TNN: variants seen among roughly 807,000 people sequenced by gnomAD.
TNN encodes tenascin-N.
In TNN, 122 loss-of-function variants were observed where a neutral mutation model predicts 134.4. The observed-to-expected ratio is 0.91, with a 90% CI of 0.78 to 1.06. The LOEUF is 1.06. Among genes scored for constraint, TNN ranks in the 50% least tolerant of loss-of-function variants. The pLI is 0.00. For missense variants in TNN, 1,739 were observed against 1,699.4 expected (o/e 1.02, Z -0.41); for synonymous variants, 710 against 670.3 (o/e 1.06, Z -0.91).
In TNN at chr1:175,077,374, C is replaced by T; in HGVS notation, c.-35-10C>T. On this transcript the variant is annotated splice_polypyrimidine_tract_variant and intron_variant, in intron 1 of 18. Coordinates refer to ENST00000239462, the MANE Select transcript of TNN (RefSeq NM_022093.2). ...TCCGTGGCTTTCTTTTGCAATGTTT[C>T]TGAATACAGGCATCCTGGAGGGTCT... 1 of 1,552,910 alleles carries T rather than the reference C, an allele frequency of 6.4e-7. No homozygotes were observed. The highest frequency in any genetic ancestry group is 8.7e-7 in the Non-Finnish European group (1 of 1,149,470).
chr1:175,105,669 A>C lies in TNN; in HGVS notation c.2119+7074A>C, dbSNP rs79704694. 8.5e-3 allele frequency among the ~76,000 whole-genome samples: 1,241 copies of C among 145,676 alleles called. 96 individuals are homozygous for C. Among genetic ancestry groups the C allele is most frequent in the African/African-American group, 0.029 (1,174 of 40,474 alleles). On this transcript the variant is annotated intron_variant, in intron 9 of 18. Coordinates refer to ENST00000239462, the MANE Select transcript of TNN (RefSeq NM_022093.2). ...GGCCATTTTTCCCCATCAGAAAGAGAATATTGGGGCCAAGCCGTAGTGCAG... is the reference window on the plus strand; with the variant it reads ...GGCCATTTTTCCCCATCAGAAAGAGCATATTGGGGCCAAGCCGTAGTGCAG...
At position 175,098,345 on chromosome 1, in the gene TNN, CA is replaced by C. The variant is rs754063306; in HGVS notation, c.1874del (p.Asn625ThrfsTer3). 3.7e-5 allele frequency: 59 copies of C among 1,614,018 alleles called. No individual in the cohort carries two copies. Among genetic ancestry groups the C allele is most frequent in the Non-Finnish European group, 5.9e-6 (7 of 1,180,020 alleles). On this transcript the variant is annotated frameshift_variant, in exon 9 of 19. Coordinates refer to ENST00000239462, the MANE Select transcript of TNN (RefSeq NM_022093.2). LOFTEE classifies it high-confidence loss of function. The stretch of plus-strand genomic sequence containing the variant: ...TTTTCCTTCCAGATATTGACAGCCC[CA>C]AAAACCTGGTGACTGACCGGGTGAC... Reference protein sequence around the residue: ...TNAPTDIDSPKNLVTDRVTEN... With the variant: ...TNAPTDIDSPXNLVTDRVTEN...
chr1:175,145,960 C>T (rs1405396176), intron 18 of TNN, among the ~76,000 whole-genome samples: 8 of 152,308 alleles, frequency 5.3e-5, no homozygotes. Context: ...AGCCCTGATC[C>T]TAAGCCTCCA....
chr1:175,129,008 G>A (rs1675607592), intron 15 of TNN, among the ~76,000 whole-genome samples: 1 of 152,068 alleles, frequency 6.6e-6, no homozygotes, highest in Non-Finnish European at 1.5e-5. Context: ...GCAAAAGCAA[G>A]TTTATTAAGA....
intron 18 of TNN, among the ~76,000 whole-genome samples, chr1:175,145,583 C>G (rs943330968): frequency 1.4e-5 from 1 of 73,500 alleles, no homozygotes; most frequent in African/African-American, 5.1e-5. Flanking sequence ...AAAGCTGTCT[C>G]AAGTCCTTTG....
rs1245731355 is a variant in TNN, at chr1:175,144,556, T to C, written c.3759+6T>C. The C allele has an allele frequency of 3.7e-6, 6 of 1,613,606 alleles. No homozygotes were observed. Among genetic ancestry groups the C allele is most frequent in the Admixed American group, 1.7e-5 (1 of 59,962 alleles). On this transcript the variant is annotated splice_donor_region_variant and intron_variant, in intron 18 of 18. Transcript: ENST00000239462. ...GGGAGACCAAGCACAGTGAGGTAGG[T>C]GACAGGTGAATGTCTTTTCTGTCCC...
At chr1:175,146,212 G>A (rs1429217155) in intron 18 of TNN, among the ~76,000 whole-genome samples, 1 of 152,114 alleles carries the variant, frequency 6.6e-6, no homozygotes, top group African/African-American at 2.4e-5. Flanking sequence ...ATCAAATATT[G>A]GAAACGAGCA....
chr1:175,092,109 T>C (rs958772660), intron 6 of TNN, among the ~76,000 whole-genome samples: 2 of 152,230 alleles, frequency 1.3e-5, no homozygotes, highest in Non-Finnish European at 2.9e-5. Context: ...TGCTCGCTTC[T>C]TCCTGCCTCC....
At chr1:175,092,756 C>T (rs1574148273) in intron 6 of TNN, among the ~76,000 whole-genome samples, 1 of 152,176 alleles carries the variant, frequency 6.6e-6, no homozygotes, top group East Asian at 1.9e-4. Flanking sequence ...CCTCAGATAT[C>T]CCTGTCTCTA....
chr1:175,092,394 C>CAGACTATTGTG (rs11274715), intron 6 of TNN, among the ~76,000 whole-genome samples: 82,990 of 151,574 alleles, frequency 0.55, 23,309 homozygotes, highest in African/African-American at 0.69. Context: ...CCACAAGTGG[C>CAGACTATTGTG]AGACTATTGG....
Position 175,109,072 on chromosome 1 carries a change from A to ATTTTTTTTTTTTTTTTTTTTTTTTTTT in TNN, c.2120-7866_2120-7840dup, listed in dbSNP as rs1160268455. Among the ~76,000 whole-genome samples the ATTTTTTTTTTTTTTTTTTTTTTTTTTT allele has an allele frequency of 3.2e-5, 2 of 61,982 alleles. 1 individual carries two copies. The highest frequency in any genetic ancestry group is 6.3e-5 in the Non-Finnish European group (2 of 31,712). The allele number at this position is 61,982 out of a possible 152,430, so 40.7% of individuals were successfully genotyped here. A position where few individuals can be genotyped will look rare whatever the true frequency, so the allele number is the denominator to read the frequency against. ...GAATGTATTTCTTCTATCTAACTGT[A>ATTTTTTTTTTTTTTTTTTTTTTTTTTT]TTTTTTTTTTTTTTTTTTTTTTTTT... On this transcript the variant is annotated intron_variant, in intron 9 of 18. Transcript: ENST00000239462.
chr1:175,147,665 C>T lies in TNN; in HGVS notation c.*594C>T, dbSNP rs1676107932. On this transcript the variant is annotated 3_prime_UTR_variant, in exon 19 of 19. Coordinates refer to ENST00000239462, the MANE Select transcript of TNN (RefSeq NM_022093.2). ...TGACTTGTATCCAGCATGCTGGAGA[C>T]CAAAGCTGCCGCCTTACTGCTATTT... is the stretch of plus-strand genomic sequence containing the variant. 2.0e-5 allele frequency: 3 copies of T among 152,232 alleles called. No homozygotes were observed. The highest frequency in any genetic ancestry group is 7.2e-5 in the African/African-American group (3 of 41,454). The allele number at this position is 152,232 out of a possible 1,614,324, so 9.4% of individuals were successfully genotyped here.
chr1:175,108,798 C>G (rs551031244), intron 9 of TNN, among the ~76,000 whole-genome samples: 10 of 148,430 alleles, frequency 6.7e-5, no homozygotes, highest in African/African-American at 2.3e-4. Flanking sequence ...CCAGCTGGCC[C>G]GCAAGCACCA....
At position 175,077,722 on chromosome 1, in the gene TNN, G is replaced by A. The variant is rs369231123; in HGVS notation, c.304G>A (p.Ala102Thr). The A allele has an allele frequency of 1.2e-6, 2 of 1,614,104 alleles. No homozygotes were observed. Among genetic ancestry groups the A allele is most frequent in the African/African-American group, 2.7e-5 (2 of 74,944 alleles). The change falls in exon 2 of 19, where the codon GCA (alanine) becomes ACA (threonine). Residue 102 changes from alanine to threonine, a missense_variant. Physicochemically the swap from Ala to Thr is moderately conservative, Grantham distance 58. Transcript: ENST00000239462. Reference sequence around the variant, plus strand: ...GACGCCACAGAAGGACTGCGAGTTGGCAGGCAGTGTCCAGGACCTCCTGGC... The same window carrying A: ...GACGCCACAGAAGGACTGCGAGTTGACAGGCAGTGTCCAGGACCTCCTGGC... ...LQTPQKDCEL[A>T]GSVQDLLARV...
chr1:175,090,713 A>G (rs1416882657), intron 6 of TNN, among the ~76,000 whole-genome samples: 2 of 152,240 alleles, frequency 1.3e-5, no homozygotes, highest in Non-Finnish European at 2.9e-5. Context: ...AGAGCTTCTA[A>G]TTAACCTCCT....
At position 175,147,387 on chromosome 1, in the gene TNN, G is replaced by A. The variant is rs1190570666; in HGVS notation, c.*316G>A. On this transcript the variant is annotated 3_prime_UTR_variant, in exon 19 of 19. Transcript: ENST00000239462. Reference sequence around the variant, plus strand: ...GAAGGAATCACCCAGCACTTCACCAGTTGGAAATCTCTGGAAATTTACATC... The same window carrying A: ...GAAGGAATCACCCAGCACTTCACCAATTGGAAATCTCTGGAAATTTACATC... 4.0e-6 allele frequency: 1 copy of A among 248,356 alleles called. No homozygotes were observed. The highest frequency in any genetic ancestry group is 2.2e-5 in the African/African-American group (1 of 45,002). The allele number at this position is 248,356 out of a possible 1,614,324, so 15.4% of individuals were successfully genotyped here. A position where few individuals can be genotyped will look rare whatever the true frequency, so the allele number is the denominator to read the frequency against.
intron 9 of TNN, among the ~76,000 whole-genome samples, chr1:175,103,113 A>T (rs1184656331): frequency 1.4e-5 from 2 of 146,110 alleles, no homozygotes; most frequent in African/African-American, 4.9e-5. Context: ...ATTCTAGAGG[A>T]AACAAATTTG....
chr1:175,083,351 C>T lies in TNN; in HGVS notation c.1049-399C>T, dbSNP rs1487033727. On this transcript the variant is annotated intron_variant, in intron 4 of 18. Transcript: ENST00000239462. ...GTGCCTGAGCTGCTTATCCTGAGGT[C>T]GTCTTAGAGGGCAGGGGCTCTGCAG... 5.3e-5 allele frequency among the ~76,000 whole-genome samples: 8 copies of T among 152,314 alleles called. No individual in the cohort carries two copies. The South Asian group carries it at 6.2e-4, about 12-fold the overall frequency.
rs1032767419 is a variant in TNN at position 175,102,490 on chromosome 1, G to A, written c.2119+3895G>A. Among the ~76,000 whole-genome samples, 14 of 145,990 alleles carry A rather than the reference G, an allele frequency of 9.6e-5. 2 individuals carry two copies. The highest frequency in any genetic ancestry group is 3.2e-4 in the African/African-American group (13 of 40,674). On this transcript the variant is annotated intron_variant, in intron 9 of 18. Coordinates refer to ENST00000239462, the MANE Select transcript of TNN (RefSeq NM_022093.2). ...TCGGCGAGAAATCGAGCGCAGTGCC[G>A]GTGGGCTGGCACTGCTGGGGGACCC...
Sources: gnomAD v4.1 joint callset for allele counts (sites outside exome capture counted in the v4.1 genomes callset) on GRCh38, gnomAD v4.1.1 for gene constraint, MANE v1.5 for transcripts, NCBI Gene and HGNC (gene_info 2026-07-23, HGNC 2026-07-21) for gene names.